Variants in CNTNAP4 observed in about 807,000 individuals in gnomAD.
CNTNAP4 encodes contactin associated protein family member 4.
CNTNAP4 carries 98 observed loss-of-function variants against 148.4 expected under a neutral mutation model. The observed-to-expected ratio is 0.66, with a 90% CI of 0.56 to 0.78. CNTNAP4 has a LOEUF of 0.78. Among genes scored for constraint, CNTNAP4 ranks in the 30% least tolerant of loss-of-function variants. The pLI is 0.00. For missense variants in CNTNAP4, 1,935 were observed against 1,565.6 expected, an observed-to-expected ratio of 1.24 and a Z score of -3.98; for synonymous variants, 730 against 565.1, an observed-to-expected ratio of 1.29 and a Z score of -4.14.
At chr16:76,336,098 C>G (rs1057414817) in intron 2 of CNTNAP4, among the ~76,000 whole-genome samples, 3 of 152,032 alleles carry the variant, frequency 2.0e-5, no homozygotes, top group African/African-American at 2.4e-5. Context: ...CCTGAATTGA[C>G]TGAGTAATCT....
chr16:76,381,709 A>G (rs2015984160), intron 3 of CNTNAP4, among the ~76,000 whole-genome samples: 1 of 152,204 alleles, frequency 6.6e-6, no homozygotes, highest in Non-Finnish European at 1.5e-5. Context: ...AGATATGCAC[A>G]TATATTTACA....
At chr16:76,462,838 G>A (rs1438870575) in intron 9 of CNTNAP4, among the ~76,000 whole-genome samples, 3 of 152,184 alleles carry the variant, frequency 2.0e-5, no homozygotes, top group Non-Finnish European at 2.9e-5. Context: ...TTGAGGTGTT[G>A]CTTATATTAG....
chr16:76,306,736 A>T (rs1960516055), intron 1 of CNTNAP4, among the ~76,000 whole-genome samples: 1 of 152,230 alleles, frequency 6.6e-6, no homozygotes, highest in African/African-American at 2.4e-5. Flanking sequence ...CCTTGATGAG[A>T]ACACACTTTT....
At chr16:76,506,769 C>G (rs936761245) in intron 15 of CNTNAP4, among the ~76,000 whole-genome samples, 4 of 95,492 alleles carry the variant, frequency 4.2e-5, no homozygotes, top group African/African-American at 1.0e-4. Context: ...CCCCACCTGC[C>G]TGGGTATGAG....
rs2078259495 is a variant in CNTNAP4, at chr16:76,397,938, T to TTATGTA, written c.391-29511_391-29510insGTATAT. Among the ~76,000 whole-genome samples the TTATGTA allele has an allele frequency of 4.0e-4, 25 of 62,292 alleles. 4 individuals are homozygous for TTATGTA. The East Asian group carries it at 5.6e-3, about 14-fold the overall frequency. 40.9% of individuals were successfully genotyped at this position (62,292 alleles called of 152,430 possible). A position where few individuals can be genotyped will look rare whatever the true frequency, so the allele number is the denominator to read the frequency against. On this transcript the variant is annotated intron_variant, in intron 3 of 23. Transcript: ENST00000611870. ...TCTCTAGAGGGACAGAACTAATAGA[T>TTATGTA]TATATACATATATATATATATATAT...
At chr16:76,281,340 A>T (rs1281632454) in intron 1 of CNTNAP4, among the ~76,000 whole-genome samples, 2 of 152,064 alleles carry the variant, frequency 1.3e-5, no homozygotes, top group African/African-American at 4.8e-5. Flanking sequence ...CCCTATAAAG[A>T]TCAGCACGTA....
intron 4 of CNTNAP4, among the ~76,000 whole-genome samples, chr16:76,442,010 C>A (rs2080062816): frequency 6.6e-6 from 1 of 152,112 alleles, no homozygotes; most frequent in Admixed American, 6.6e-5. Context: ...GTCCCTGAAA[C>A]CTGTAAATAT....
At chr16:76,325,218 G>A (rs1432807185) in intron 2 of CNTNAP4, among the ~76,000 whole-genome samples, 1 of 151,988 alleles carries the variant, frequency 6.6e-6, no homozygotes, top group African/African-American at 2.4e-5. Context: ...TATTGAACAA[G>A]TAGGCAAAAA....
chr16:76,331,625 C>T (rs1016505966), intron 2 of CNTNAP4, among the ~76,000 whole-genome samples: 14 of 151,486 alleles, frequency 9.2e-5, no homozygotes, highest in Admixed American at 6.6e-5. Context: ...ACTTTTGTAT[C>T]GCTTTGTCTC....
chr16:76,548,978 C>T (rs557902970), intron 21 of CNTNAP4, among the ~76,000 whole-genome samples: 2 of 152,218 alleles, frequency 1.3e-5, no homozygotes, highest in East Asian at 3.9e-4. Context: ...GGGAGGACGG[C>T]GGCTGAGTTG....
intron 1 of CNTNAP4, among the ~76,000 whole-genome samples, chr16:76,312,992 T>A (rs1485068651): frequency 6.6e-6 from 1 of 152,080 alleles, no homozygotes; most frequent in Non-Finnish European, 1.5e-5. Context: ...TGTATGCCCA[T>A]GGTAAAGAAT....
chr16:76,421,030 G>A (rs2144996914), intron 3 of CNTNAP4, among the ~76,000 whole-genome samples: 1 of 152,014 alleles, frequency 6.6e-6, no homozygotes, highest in South Asian at 2.1e-4. Flanking sequence ...ATTTATTGCT[G>A]TGTTTCAACA....
chr16:76,365,533 G>A (rs8062793), intron 3 of CNTNAP4, among the ~76,000 whole-genome samples: 12 of 151,834 alleles, frequency 7.9e-5, no homozygotes, highest in African/African-American at 2.9e-4. Context: ...GGTGGATCAC[G>A]TGAGATCAGG....
chr16:76,434,286 G>C (rs2079731958), intron 4 of CNTNAP4, among the ~76,000 whole-genome samples: 1 of 152,134 alleles, frequency 6.6e-6, no homozygotes, highest in Admixed American at 6.6e-5. Flanking sequence ...CAAAGCTGGA[G>C]AGTTTGATAT....
Position 76,355,300 on chromosome 16 carries a change from T to G in CNTNAP4, c.197-18T>G. The G allele has an allele frequency of 6.7e-7, 1 of 1,493,408 alleles. No individual in the cohort carries two copies. The allele number at this position is 1,493,408 out of a possible 1,614,324, so 92.5% of individuals were successfully genotyped here. A position where few individuals can be genotyped will look rare whatever the true frequency, so the allele number is the denominator to read the frequency against. On this transcript the variant is annotated intron_variant, in intron 2 of 23. Transcript: ENST00000611870. ...CTTTCCTTTCTCAATTTTCTCCTGT[T>G]TCTATTTTTAATAAAAGGAGCTGGT...
chr16:76,337,352 G>C (rs1964106797), intron 2 of CNTNAP4, among the ~76,000 whole-genome samples: 2 of 152,130 alleles, frequency 1.3e-5, no homozygotes, highest in African/African-American at 4.8e-5. Flanking sequence ...AAGAGAAAGA[G>C]TACAAATAGA....
intron 3 of CNTNAP4, among the ~76,000 whole-genome samples, chr16:76,382,639 CTT>C (rs2016096713): frequency 6.6e-6 from 1 of 152,108 alleles, no homozygotes; most frequent in African/African-American, 2.4e-5. Flanking sequence ...TATATTTTCT[CTT>C]AAGAAAAATA....
chr16:76,292,707 A>AT (rs11347655), intron 1 of CNTNAP4, among the ~76,000 whole-genome samples: 11 of 151,716 alleles, frequency 7.3e-5, no homozygotes, highest in South Asian at 6.2e-4. Flanking sequence ...TATCAAAAAT[A>AT]TTTTTTTTTC....
intron 3 of CNTNAP4, among the ~76,000 whole-genome samples, chr16:76,371,846 A>T (rs1039702170): frequency 5.9e-5 from 9 of 152,170 alleles, no homozygotes; most frequent in Non-Finnish European, 1.0e-4. Context: ...TATCTAAGGC[A>T]TGTCTGCCAA....
Sources: allele counts gnomAD v4.1 joint callset (sites outside exome capture counted in the v4.1 genomes callset), GRCh38; gene constraint gnomAD v4.1.1; transcripts MANE v1.5; gene names NCBI Gene and HGNC (gene_info 2026-07-23, HGNC 2026-07-21).